Variants in TMEM233 observed in about 807,000 individuals in gnomAD.
The protein encoded by TMEM233 is dispanin subfamily B member 2.
In TMEM233, 6 loss-of-function variants were observed where a neutral mutation model predicts 11.2. That is an observed-to-expected ratio of 0.54 (90% CI 0.29 to 1.06). The LOEUF is 1.06. Among genes scored for constraint, TMEM233 ranks in the 50% least tolerant of loss-of-function variants. The probability of loss-of-function intolerance (pLI) is 0.08; values close to 1 mark genes in which losing one functional copy is unlikely to be tolerated. For missense variants in TMEM233, 127 were observed against 144.7 expected (o/e 0.88, Z 0.63); for synonymous variants, 59 against 55.8 (o/e 1.06, Z -0.26).
At chr12:119,620,426 C>A (rs897295927) in intron 1 of TMEM233, among the ~76,000 whole-genome samples, 15 of 152,202 alleles carry the variant, frequency 9.9e-5, no homozygotes, top group African/African-American at 3.6e-4. Flanking sequence ...TCACCAAAAG[C>A]AGAGGCTCAA....
chr12:119,613,912 G>C (rs1205743245), intron 1 of TMEM233, among the ~76,000 whole-genome samples: 1 of 152,064 alleles, frequency 6.6e-6, no homozygotes, highest in Non-Finnish European at 1.5e-5. Flanking sequence ...GACAGAAAGA[G>C]AAGAGGGCCA....
chr12:119,601,870 G>A (rs918162579), intron 1 of TMEM233, among the ~76,000 whole-genome samples: 1 of 152,252 alleles, frequency 6.6e-6, no homozygotes, highest in South Asian at 2.1e-4. Flanking sequence ...AAAGAAGGGA[G>A]TAAGTCAAGA....
chr12:119,615,209 G>C (rs1024971468), intron 1 of TMEM233, among the ~76,000 whole-genome samples: 36 of 104,258 alleles, frequency 3.5e-4, no homozygotes, highest in Admixed American at 6.0e-4. Flanking sequence ...AAAAAAAACT[G>C]CCTCCTCCAC....
At chr12:119,631,510 A>C in intron 2 of TMEM233, 2 of 985,502 alleles carry the variant, frequency 2.0e-6, no homozygotes, top group Non-Finnish European at 2.4e-6. Flanking sequence ...AGGACACTCA[A>C]ACATGAAAGG....
At chr12:119,625,443 C>G (rs1184943405) in intron 1 of TMEM233, among the ~76,000 whole-genome samples, 1 of 150,466 alleles carries the variant, frequency 6.6e-6, no homozygotes, top group African/African-American at 2.5e-5. Flanking sequence ...GATCATAGCT[C>G]ACTGCAGCCT....
chr12:119,611,492 G>A (rs1385534991), intron 1 of TMEM233, among the ~76,000 whole-genome samples: 1 of 152,086 alleles, frequency 6.6e-6, no homozygotes, highest in Non-Finnish European at 1.5e-5. Flanking sequence ...TCCATTCAGA[G>A]ACTTTGCCCC....
the TMEM233 span, among the ~76,000 whole-genome samples, chr12:119,650,261 T>A: frequency 2.6e-5 from 4 of 152,230 alleles, no homozygotes; most frequent in Non-Finnish European, 4.4e-5. Flanking sequence ...TTGATCATTA[T>A]TAACAACCCT....
Position 119,594,667 on chromosome 12 carries a change from A to G in TMEM233, c.186+633A>G, listed in dbSNP as rs776914742. 4.0e-4 allele frequency among the ~76,000 whole-genome samples: 61 copies of G among 151,966 alleles called. No homozygotes were observed. The highest frequency in any genetic ancestry group is 8.2e-4 in the Non-Finnish European group (56 of 67,972). ...GCACGGCACGCTCTGTCCAGGCAAC[A>G]GTTTCCTCTCGCTTCTTCCTACACC... On this transcript the variant is annotated intron_variant, in intron 1 of 2. Coordinates refer to ENST00000426426, the MANE Select transcript of TMEM233 (RefSeq NM_001136534.3). This position sits in a 1 kb window ranked among gnomAD's most constrained non-coding sequence, Gnocchi z 5.6.
intron 1 of TMEM233, among the ~76,000 whole-genome samples, chr12:119,618,331 G>T (rs1954576375): frequency 6.6e-6 from 1 of 152,238 alleles, no homozygotes; most frequent in South Asian, 2.1e-4. Context: ...AGGGAAATAT[G>T]CAGTAGTAGC....
intron 2 of TMEM233, among the ~76,000 whole-genome samples, chr12:119,632,441 T>C (rs1954903300): frequency 6.6e-6 from 1 of 152,270 alleles, no homozygotes; most frequent in Admixed American, 6.5e-5. Flanking sequence ...GGCCAGTAAG[T>C]GGTACTTGCT....
chr12:119,597,584 C>T (rs916302863), intron 1 of TMEM233, among the ~76,000 whole-genome samples: 27 of 152,096 alleles, frequency 1.8e-4, no homozygotes, highest in African/African-American at 6.3e-4. Flanking sequence ...GCAAAGAAAA[C>T]TACTTTGGAA....
intron 2 of TMEM233, among the ~76,000 whole-genome samples, chr12:119,630,471 C>A (rs1954855899): frequency 1.3e-5 from 2 of 152,242 alleles, no homozygotes; most frequent in African/African-American, 2.4e-5. Context: ...TGGTCCCGAT[C>A]ATGGTCTCTG....
chr12:119,649,854 T>TTAA, the TMEM233 span, among the ~76,000 whole-genome samples: 5 of 91,306 alleles, frequency 5.5e-5, no homozygotes, highest in South Asian at 4.1e-4. Context: ...GTTTAACTAT[T>TTAA]AAAAAAAAAA....
chr12:119,626,800 C>A (rs983646603), intron 1 of TMEM233, among the ~76,000 whole-genome samples: 1 of 152,190 alleles, frequency 6.6e-6, no homozygotes, highest in African/African-American at 2.4e-5. Flanking sequence ...CTCAAAGATG[C>A]CCTCAAAAAC....
intron 1 of TMEM233, among the ~76,000 whole-genome samples, chr12:119,604,621 G>GTT (rs1050704308): frequency 6.6e-6 from 1 of 151,760 alleles, no homozygotes; most frequent in African/African-American, 2.4e-5. Context: ...GGTTTGGTTG[G>GTT]TTTTTGTTGT....
the TMEM233 span, among the ~76,000 whole-genome samples, chr12:119,651,699 T>C: frequency 6.2e-4 from 94 of 151,588 alleles, no homozygotes; most frequent in African/African-American, 2.2e-3. Flanking sequence ...TGGTGGCACA[T>C]GCCTGTAATC....
intron 1 of TMEM233, among the ~76,000 whole-genome samples, chr12:119,609,501 A>G (rs938162892): frequency 6.6e-6 from 1 of 152,192 alleles, no homozygotes; most frequent in Non-Finnish European, 1.5e-5. Context: ...GAGACCTTCA[A>G]GGCAGCCCCT....
At chr12:119,630,653 G>C (rs368908699) in intron 2 of TMEM233, among the ~76,000 whole-genome samples, 16 of 152,210 alleles carry the variant, frequency 1.1e-4, no homozygotes, top group Admixed American at 6.5e-4. Flanking sequence ...AGGCAAAGGC[G>C]GGGGAGAGGA....
intron 2 of TMEM233, among the ~76,000 whole-genome samples, chr12:119,637,103 G>A (rs527917575): frequency 3.3e-5 from 5 of 152,306 alleles, no homozygotes; most frequent in African/African-American, 9.6e-5. Flanking sequence ...ATCATTGAGC[G>A]GGGCGGCAGT....
Sources: gnomAD v4.1 joint callset for allele counts (sites outside exome capture counted in the v4.1 genomes callset) on GRCh38, gnomAD v4.1.1 for gene constraint, Gnocchi (gnomAD v3.1) non-coding constraint, MANE v1.5 for transcripts, NCBI Gene and HGNC (gene_info 2026-07-23, HGNC 2026-07-21) for gene names.